Variants in FYB2 observed in about 807,000 individuals in gnomAD.
FYB2 encodes FYN binding protein 2.
Under a neutral mutation model 94.1 loss-of-function variants are expected in FYB2, and 103 were observed. That is an observed-to-expected ratio of 1.09 (90% confidence interval 0.93 to 1.29). FYB2 has a LOEUF of 1.29. FYB2 is among the 50% of genes most tolerant of loss of function. The probability of loss-of-function intolerance (pLI) is 0.00; values close to 1 mark genes in which losing one functional copy is unlikely to be tolerated. For synonymous variants in FYB2, 293 were observed against 287.9 expected (o/e 1.02, Z -0.18); for missense variants, 896 against 841.5 (o/e 1.06, Z -0.80).
At chr1:56,757,582 C>T (rs1244394316) in intron 6 of FYB2, among the ~76,000 whole-genome samples, 2 of 152,072 alleles carry the variant, frequency 1.3e-5, no homozygotes, top group Non-Finnish European at 2.9e-5. Flanking sequence ...AAGACATATG[C>T]TTCCTGTCCT....
At chr1:56,731,883 A>G (rs1557587464) in intron 15 of FYB2, 2 of 152,292 alleles carry the variant, frequency 1.3e-5, no homozygotes, top group East Asian at 1.9e-4. Flanking sequence ...CCCACAGCTA[A>G]CATCTTACCT....
chr1:56,812,925 C>T (rs759050203), intron 1 of FYB2, among the ~76,000 whole-genome samples: 2 of 152,208 alleles, frequency 1.3e-5, no homozygotes, highest in Non-Finnish European at 2.9e-5. Context: ...GACTATGTGG[C>T]TTCAACAAGA....
intron 17 of FYB2, among the ~76,000 whole-genome samples, chr1:56,722,867 C>CT (rs1456339250): frequency 6.6e-6 from 1 of 151,954 alleles, no homozygotes; most frequent in Non-Finnish European, 1.5e-5. Flanking sequence ...AGGATGCACA[C>CT]TTTGTCTCTC....
Position 56,819,378 on chromosome 1 carries a change from G to A in FYB2, c.-88C>T. The A allele has an allele frequency of 6.4e-7, 1 of 1,564,298 alleles. No homozygotes were observed. Among genetic ancestry groups the A allele is most frequent in the Non-Finnish European group, 8.8e-7 (1 of 1,138,514 alleles). ...CAACAATCCGCTTTCCTCTGTCTCT[G>A]CTAGCCAGGGAGCAATCACTTCCCA... On this transcript the variant is annotated 5_prime_UTR_variant, in exon 1 of 20. Coordinates refer to ENST00000343433, the MANE Select transcript of FYB2 (RefSeq NM_001004303.5).
intron 3 of FYB2, among the ~76,000 whole-genome samples, chr1:56,787,781 A>G (rs1406958022): frequency 6.6e-6 from 1 of 152,198 alleles, no homozygotes; most frequent in Admixed American, 6.5e-5. Context: ...TACAAAGCCC[A>G]TTTTATGGCA....
In FYB2 at chr1:56,812,316, T is replaced by C. The variant is rs1325870318; in HGVS notation, c.9+6966A>G. 2.6e-5 allele frequency among the ~76,000 whole-genome samples: 4 copies of C among 152,122 alleles called. No homozygotes were observed. The East Asian group carries it at 7.7e-4, about 29-fold the overall frequency. On this transcript the variant is annotated intron_variant, in intron 1 of 19. Transcript: ENST00000343433. ...TTAAAGATTTTTTTAAAAACCTCTG[T>C]CCTATATGCCATTCACCATGACTAT... is the stretch of plus-strand genomic sequence containing the variant.
Position 56,742,299 on chromosome 1 carries a change from A to T in FYB2, c.1544-78T>A, listed in dbSNP as rs141355029. 1,856 of 1,083,594 alleles carry T rather than the reference A, an allele frequency of 1.7e-3. 26 individuals carry two copies. In the African/African-American group the frequency reaches 0.027, roughly 16 times the overall value. The allele number at this position is 1,083,594 out of a possible 1,614,324, so 67.1% of individuals were successfully genotyped here. ...ATTCATATTTAACAAAAAGTATTAG[A>T]TACTTACTAGATGCTAGGTACTTTG... is the stretch of plus-strand genomic sequence containing the variant. On this transcript the variant is annotated intron_variant, in intron 11 of 19. Coordinates refer to ENST00000343433, the MANE Select transcript of FYB2 (RefSeq NM_001004303.5).
chr1:56,796,079 G>A (rs905152372), intron 1 of FYB2, among the ~76,000 whole-genome samples: 2 of 152,172 alleles, frequency 1.3e-5, no homozygotes, highest in Admixed American at 1.3e-4. Flanking sequence ...ATGCAATAGT[G>A]ACTGGGTGTC....
chr1:56,824,373 C>T (rs1647011745), upstream of FYB2: 1 of 152,190 alleles, frequency 6.6e-6, no homozygotes, highest in Non-Finnish European at 1.5e-5. Flanking sequence ...AGCTAGTTCT[C>T]TCTGGCTCTT....
At position 56,742,066 on chromosome 1, in the gene FYB2, C is replaced by T. The variant is rs982868923; in HGVS notation, c.1604+95G>A. Reference sequence around the variant, plus strand: ...ATGGGAGTCGGGGGTGGCAGTGGGGCTGGGGGGCGGATGGTGGGTCCTCAC... The same window carrying T: ...ATGGGAGTCGGGGGTGGCAGTGGGGTTGGGGGGCGGATGGTGGGTCCTCAC... On this transcript the variant is annotated intron_variant, in intron 12 of 19. Coordinates refer to ENST00000343433, the MANE Select transcript of FYB2 (RefSeq NM_001004303.5). 1.9e-5 allele frequency: 19 copies of T among 1,012,704 alleles called. No homozygotes were observed. In the South Asian group the frequency reaches 2.5e-4, roughly 13 times the overall value. The allele number at this position is 1,012,704 out of a possible 1,614,324, so 62.7% of individuals were successfully genotyped here.
chr1:56,784,018 T>C (rs1646072682), intron 4 of FYB2, among the ~76,000 whole-genome samples: 1 of 152,162 alleles, frequency 6.6e-6, no homozygotes, highest in Admixed American at 6.6e-5. Flanking sequence ...CTCACCACAC[T>C]AGTATGAGTT....
intron 9 of FYB2, among the ~76,000 whole-genome samples, chr1:56,744,989 T>C (rs150024291): frequency 2.0e-5 from 3 of 152,164 alleles, no homozygotes; most frequent in African/African-American, 4.8e-5. Context: ...AACTGGTATC[T>C]ATTAATTAAA....
chr1:56,740,790 T>C lies in FYB2; in HGVS notation c.1610A>G (p.Asp537Gly). 4 of 1,595,048 alleles carry C rather than the reference T, an allele frequency of 2.5e-6. No homozygotes were observed. The highest frequency in any genetic ancestry group is 3.4e-6 in the Non-Finnish European group (4 of 1,166,674). ...CAGTCTTTTGAGTGCTTCTTTTCCA[T>C]CTAAACTGAGAGGAATCACAGGATA... ...TKNNYPKIDL[D>G]GKEALKRLQQ... is the part of the protein sequence containing the mutation. Residue 537 changes from aspartate (D) to glycine (G), a missense_variant, in exon 13 of 20, where the codon GAT (aspartate) becomes GGT (glycine). Transcript: ENST00000343433.
At chr1:56,751,327 G>T in intron 8 of FYB2, 124 bp from the exon 9 acceptor site, 2 of 1,054,716 alleles carry the variant, frequency 1.9e-6, no homozygotes, top group Non-Finnish European at 1.3e-6. Flanking sequence ...ATTTAACATT[G>T]AATAATATCT....
At chr1:56,741,371 T>C (rs1644948711) in intron 12 of FYB2, among the ~76,000 whole-genome samples, 1 of 152,074 alleles carries the variant, frequency 6.6e-6, no homozygotes, top group Admixed American at 6.6e-5. Context: ...CTTTACAAAC[T>C]GTGCTAGAAA....
intron 2 of FYB2, among the ~76,000 whole-genome samples, chr1:56,791,292 G>A (rs1243048530): frequency 7.0e-6 from 1 of 143,818 alleles, no homozygotes; most frequent in Non-Finnish European, 1.5e-5. Context: ...ATCTTGCTCT[G>A]TTGCCCAGGC....
chr1:56,720,082 T>C (rs1644456823), intron 18 of FYB2, 27 bp from the exon 19 acceptor site: 1 of 1,596,002 alleles, frequency 6.3e-7, no homozygotes, highest in Non-Finnish European at 8.5e-7. Flanking sequence ...TCACCGTTAA[T>C]TTGAAAGTTA....
chr1:56,805,912 C>T (rs1646636070), intron 1 of FYB2, among the ~76,000 whole-genome samples: 1 of 152,148 alleles, frequency 6.6e-6, no homozygotes, highest in African/African-American at 2.4e-5. Context: ...ACCCCTTTTG[C>T]TGTATAAATT....
intron 4 of FYB2, among the ~76,000 whole-genome samples, chr1:56,781,200 T>C (rs1215908748): frequency 6.6e-6 from 1 of 152,230 alleles, no homozygotes; most frequent in African/African-American, 2.4e-5. Context: ...GTTGCTGTTA[T>C]TAAGTAGAAA....
Sources: allele counts gnomAD v4.1 joint callset (sites outside exome capture counted in the v4.1 genomes callset), GRCh38; gene constraint gnomAD v4.1.1; transcripts MANE v1.5; gene names NCBI Gene and HGNC (gene_info 2026-07-23, HGNC 2026-07-21).